The following NUDT9 variants were observed in gnomAD, a reference collection of about 807,000 sequenced individuals.
NUDT9 encodes the protein ADP-ribose pyrophosphatase.
NUDT9 carries 31 observed loss-of-function variants against 41.0 expected under a neutral mutation model. The observed-to-expected ratio is 0.76, with a 90% CI of 0.57 to 1.02. The LOEUF (loss-of-function observed/expected upper bound fraction) is 1.02, where lower values mean the gene tolerates loss of function less well. Among genes scored for constraint, NUDT9 ranks in the 50% least tolerant of loss-of-function variants. The probability of loss-of-function intolerance (pLI) is 0.00; values close to 1 mark genes in which losing one functional copy is unlikely to be tolerated. For synonymous variants in NUDT9, 146 were observed against 147.6 expected, an observed-to-expected ratio of 0.99 and a Z score of 0.08; for missense variants, 380 against 431.4, an observed-to-expected ratio of 0.88 and a Z score of 1.06.
At chr4:87,448,177 C>G (rs938718617) in intron 4 of NUDT9, among the ~76,000 whole-genome samples, 3 of 125,054 alleles carry the variant, frequency 2.4e-5, no homozygotes, top group African/African-American at 9.4e-5. Flanking sequence ...TGGAGTCTCA[C>G]TCTGTCATCC....
At chr4:87,442,164 T>A (rs796424409) in intron 4 of NUDT9, among the ~76,000 whole-genome samples, 6 of 152,318 alleles carry the variant, frequency 3.9e-5, no homozygotes, top group African/African-American at 1.4e-4. Context: ...ATTGTGTAGG[T>A]GCAATTGTAT....
chr4:87,452,757 T>TA (rs1233443549), intron 6 of NUDT9, among the ~76,000 whole-genome samples: 4 of 150,134 alleles, frequency 2.7e-5, no homozygotes, highest in Non-Finnish European at 5.9e-5. Context: ...TCCGTGCTTT[T>TA]AAAAAAATAC....
intron 7 of NUDT9, among the ~76,000 whole-genome samples, chr4:87,456,025 T>C (rs1015320790): frequency 6.6e-6 from 1 of 152,200 alleles, no homozygotes; most frequent in African/African-American, 2.4e-5. Context: ...AATAGTTCTT[T>C]AGCGTGAGGT....
intron 7 of NUDT9, 117 bp from the exon 8 acceptor site, chr4:87,457,726 C>A: frequency 1.1e-6 from 1 of 887,062 alleles, no homozygotes; most frequent in Non-Finnish European, 1.7e-6. Flanking sequence ...TTTTAATTCA[C>A]TTGGCCGGCT....
rs147822555 is a variant in NUDT9 at position 87,452,624 on chromosome 4, G to A, written c.789+889G>A. ...CACCACCGCACTGGGCTAATTTTTT[G>A]TTTTTTGTTTTATAGAGATGGGGTT... On this transcript the variant is annotated intron_variant, in intron 6 of 7. Coordinates refer to ENST00000302174, the MANE Select transcript of NUDT9 (RefSeq NM_024047.5). 2.8e-3 allele frequency among the ~76,000 whole-genome samples: 423 copies of A among 151,006 alleles called. 1 individual carries two copies. Among genetic ancestry groups the A allele is most frequent in the Non-Finnish European group, 4.8e-3 (324 of 67,706 alleles).
chr4:87,455,608 G>T (rs1311775267), intron 7 of NUDT9, among the ~76,000 whole-genome samples: 2 of 149,548 alleles, frequency 1.3e-5, no homozygotes, highest in Non-Finnish European at 3.0e-5. Flanking sequence ...GTTTCTTTAG[G>T]CTATGTTTTT....
At chr4:87,436,558 G>C (rs1175807142) in intron 2 of NUDT9, among the ~76,000 whole-genome samples, 6 of 152,128 alleles carry the variant, frequency 3.9e-5, no homozygotes, top group Non-Finnish European at 5.9e-5. Flanking sequence ...TGATCCTTCT[G>C]CCTTGGCCTC....
At chr4:87,447,815 C>CTT (rs1722527616) in intron 4 of NUDT9, among the ~76,000 whole-genome samples, 1 of 151,960 alleles carries the variant, frequency 6.6e-6, no homozygotes, top group Non-Finnish European at 1.5e-5. Flanking sequence ...GGGAGGATGG[C>CTT]TTGAGGCCAG....
intron 4 of NUDT9, among the ~76,000 whole-genome samples, chr4:87,446,287 C>T (rs1348593500): frequency 4.5e-5 from 6 of 134,760 alleles, no homozygotes; most frequent in African/African-American, 1.7e-4. Context: ...CTAGCTCTGT[C>T]GCCCAGGCTG....
rs1025754948 is a variant in NUDT9 at position 87,454,512 on chromosome 4, C to T, written c.874+57C>T. The T allele has an allele frequency of 8.5e-6, 9 of 1,057,508 alleles. No homozygotes were observed. In the East Asian group the frequency reaches 2.1e-4, roughly 25 times the overall value. The allele number at this position is 1,057,508 out of a possible 1,614,324, so 65.5% of individuals were successfully genotyped here. A position where few individuals can be genotyped will look rare whatever the true frequency, so the allele number is the denominator to read the frequency against. Reference sequence around the variant, plus strand: ...TAAAGGATCAATTTAAGCCATTAGCCCACTAAGGCATGATTAAATCTGGAC... The same window carrying T: ...TAAAGGATCAATTTAAGCCATTAGCTCACTAAGGCATGATTAAATCTGGAC... On this transcript the variant is annotated intron_variant, in intron 7 of 7. Transcript: ENST00000302174.
chr4:87,425,614 C>T lies in NUDT9; in HGVS notation c.107+2602C>T, dbSNP rs1018921801. Reference sequence around the variant, plus strand: ...TTTACCATTTTGGCCAGGCTGGTTTCGAACTCCTGACCTCAGGCAATCTGT... The same window carrying T: ...TTTACCATTTTGGCCAGGCTGGTTTTGAACTCCTGACCTCAGGCAATCTGT... On this transcript the variant is annotated intron_variant, in intron 1 of 7. Transcript: ENST00000302174. Among the ~76,000 whole-genome samples, 14 of 149,302 alleles carry T rather than the reference C, an allele frequency of 9.4e-5. No individual in the cohort carries two copies. In the South Asian group the frequency reaches 1.9e-3, roughly 20 times the overall value.
Position 87,422,718 on chromosome 4 carries a change from T to C in NUDT9, c.-188T>C, listed in dbSNP as rs1721182526. ...TGCACTGGGGAAAGCGGTGGACTCTTATCGTGGGAGGGCTCTTGATCTGTG... is the reference window on the plus strand; with the variant it reads ...TGCACTGGGGAAAGCGGTGGACTCTCATCGTGGGAGGGCTCTTGATCTGTG... On this transcript the variant is annotated 5_prime_UTR_variant, in exon 1 of 8. Coordinates refer to ENST00000302174, the MANE Select transcript of NUDT9 (RefSeq NM_024047.5). 2.1e-6 allele frequency: 1 copy of C among 475,508 alleles called. No individual in the cohort carries two copies. The highest frequency in any genetic ancestry group is 3.7e-6 in the Non-Finnish European group (1 of 268,890). The allele number at this position is 475,508 out of a possible 1,614,324, so 29.5% of individuals were successfully genotyped here. A position where few individuals can be genotyped will look rare whatever the true frequency, so the allele number is the denominator to read the frequency against.
chr4:87,452,322 C>T (rs1259251684), intron 6 of NUDT9, among the ~76,000 whole-genome samples: 3 of 151,904 alleles, frequency 2.0e-5, no homozygotes, highest in African/African-American at 2.4e-5. Context: ...TTTTCTTTCA[C>T]GTTGAGTACC....
intron 1 of NUDT9, among the ~76,000 whole-genome samples, chr4:87,430,040 TG>T (rs1408769531): frequency 2.0e-5 from 3 of 152,098 alleles, no homozygotes; most frequent in Admixed American, 2.0e-4. Context: ...GACTTTGAGA[TG>T]GGGAGAGCAT....
chr4:87,449,306 C>T, intron 5 of NUDT9, 53 bp downstream of exon 5: 1 of 916,374 alleles, frequency 1.1e-6, no homozygotes, highest in Non-Finnish European at 1.8e-6. Context: ...GCTTTACTTA[C>T]TACAGGGTTA....
intron 1 of NUDT9, 148 bp from the exon 2 acceptor site, chr4:87,434,833 G>A: frequency 1.6e-6 from 1 of 617,006 alleles, no homozygotes; most frequent in South Asian, 2.1e-5. Flanking sequence ...TGGTCAGGCT[G>A]GTCTTGAACC....
At chr4:87,456,615 G>A (rs1226012915) in intron 7 of NUDT9, among the ~76,000 whole-genome samples, 1 of 152,146 alleles carries the variant, frequency 6.6e-6, no homozygotes, top group East Asian at 1.9e-4. Flanking sequence ...TATCTTTCAA[G>A]CTAGTCCAAA....
intron 1 of NUDT9, among the ~76,000 whole-genome samples, chr4:87,424,477 T>C (rs1721316991): frequency 6.6e-6 from 1 of 152,144 alleles, no homozygotes; most frequent in Admixed American, 6.6e-5. Context: ...TAGGCTGATC[T>C]GGTCTTGAAC....
intron 3 of NUDT9, 96 bp downstream of exon 3, chr4:87,438,468 G>T: frequency 1.6e-6 from 1 of 645,128 alleles, no homozygotes; most frequent in African/African-American, 1.8e-5. Context: ...GCCAGATGTT[G>T]TACAAATTTA....
Sources: allele counts gnomAD v4.1 joint callset (sites outside exome capture counted in the v4.1 genomes callset), GRCh38; gene constraint gnomAD v4.1.1; transcripts MANE v1.5; gene names NCBI Gene and HGNC (gene_info 2026-07-23, HGNC 2026-07-21).